Variants in XKR6 observed in about 807,000 individuals in gnomAD.
XKR6 encodes XK related 6.
XKR6 carries 22 observed loss-of-function variants against 56.7 expected under a neutral mutation model. The ratio of observed to expected loss-of-function variants is 0.39; its 90% CI spans 0.28 to 0.55. XKR6 has a LOEUF of 0.55. Ranked by LOEUF, XKR6 falls within the 20% of genes least tolerant of loss-of-function variation. The pLI, the probability that XKR6 is intolerant of heterozygous loss-of-function variation, is 0.66. For synonymous variants in XKR6, 524 were observed against 387.8 expected (o/e 1.35, Z -4.13); for missense variants, 852 against 889.0 (o/e 0.96, Z 0.53).
chr8:11,041,985 A>T (rs1799297989), intron 1 of XKR6, among the ~76,000 whole-genome samples: 2 of 152,232 alleles, frequency 1.3e-5, no homozygotes. Flanking sequence ...GTGTGTATAA[A>T]GTCCTCTTCC....
chr8:11,018,232 T>C (rs1407506952), intron 1 of XKR6, among the ~76,000 whole-genome samples: 1 of 115,578 alleles, frequency 8.7e-6, no homozygotes, highest in African/African-American at 3.2e-5. Context: ...CTCCCTGCCA[T>C]CAGCTAAGAC....
At chr8:11,063,036 A>T in intron 1 of XKR6, 1 of 357,566 alleles carries the variant, frequency 2.8e-6, no homozygotes, top group Non-Finnish European at 5.5e-6. Context: ...ACAAATTGGC[A>T]TTTGGACTCC....
chr8:11,020,978 G>C (rs539715475), intron 1 of XKR6, among the ~76,000 whole-genome samples: 10 of 152,196 alleles, frequency 6.6e-5, no homozygotes, highest in Non-Finnish European at 1.5e-4. Flanking sequence ...GCTACTTGTG[G>C]AGATGATGCA....
At chr8:11,098,990 G>C (rs530729042) in intron 1 of XKR6, among the ~76,000 whole-genome samples, 2 of 152,148 alleles carry the variant, frequency 1.3e-5, no homozygotes, top group Non-Finnish European at 2.9e-5. Context: ...TTTTCTTTAT[G>C]GGTATAGTCT....
At chr8:11,033,085 G>A (rs1300509014) in intron 1 of XKR6, among the ~76,000 whole-genome samples, 2 of 152,028 alleles carry the variant, frequency 1.3e-5, no homozygotes, top group Admixed American at 1.3e-4. Context: ...GATGGTAATG[G>A]TGATAATGAT....
intron 1 of XKR6, among the ~76,000 whole-genome samples, chr8:11,090,477 A>C (rs1798030980): frequency 6.6e-6 from 1 of 152,006 alleles, no homozygotes; most frequent in Non-Finnish European, 1.5e-5. Context: ...CCTGGCAATG[A>C]CACCAGCAGA....
At chr8:11,187,763 T>C (rs1436194739) in intron 1 of XKR6, among the ~76,000 whole-genome samples, 1 of 152,166 alleles carries the variant, frequency 6.6e-6, no homozygotes, top group East Asian at 1.9e-4. Context: ...TGGGGGCACA[T>C]GAAGGCTACA....
At chr8:11,074,008 AAAG>A (rs1800201793) in intron 1 of XKR6, among the ~76,000 whole-genome samples, 1 of 152,236 alleles carries the variant, frequency 6.6e-6, no homozygotes, top group South Asian at 2.1e-4. Flanking sequence ...AGAATTGAAA[AAAG>A]AAAAAAAAGC....
At chr8:11,020,970 T>A (rs958848710) in intron 1 of XKR6, among the ~76,000 whole-genome samples, 7 of 152,188 alleles carry the variant, frequency 4.6e-5, no homozygotes, top group Non-Finnish European at 7.4e-5. Context: ...AAGGGTGAGC[T>A]ACTTGTGGAG....
intron 1 of XKR6, among the ~76,000 whole-genome samples, chr8:10,949,811 C>T (rs531713122): frequency 3.9e-5 from 6 of 152,214 alleles, no homozygotes; most frequent in Admixed American, 1.3e-4. Flanking sequence ...GGGGAGGGTA[C>T]GAGGAAGATT....
chr8:10,987,745 A>G (rs1037816340), intron 1 of XKR6, among the ~76,000 whole-genome samples: 5 of 152,170 alleles, frequency 3.3e-5, no homozygotes, highest in Non-Finnish European at 7.4e-5. Flanking sequence ...CAAGATTTCC[A>G]TAATATGGGC....
Position 11,161,952 on chromosome 8 carries a change from GAAAGAA to G in XKR6, c.764+38618_764+38623del, listed in dbSNP as rs1289490738. 7.2e-5 allele frequency among the ~76,000 whole-genome samples: 11 copies of G among 152,002 alleles called. No homozygotes were observed. In the East Asian group the frequency reaches 2.1e-3, roughly 29 times the overall value. On this transcript the variant is annotated intron_variant, in intron 1 of 2. Coordinates refer to ENST00000416569, the MANE Select transcript of XKR6 (RefSeq NM_173683.4). ...GAATACAAGGAACTGAGCAAAATGA[GAAAGAA>G]AAAGAAAAGAGGAAGGCCCACCAGA...
intron 1 of XKR6, among the ~76,000 whole-genome samples, chr8:10,972,642 T>C (rs1466380752): frequency 6.6e-6 from 1 of 152,218 alleles, no homozygotes. Flanking sequence ...ATCCCACTTA[T>C]GTGAGCTATT....
chr8:10,912,314 A>G (rs1800410270), intron 2 of XKR6, among the ~76,000 whole-genome samples: 1 of 43,068 alleles, frequency 2.3e-5, no homozygotes, highest in Admixed American at 1.7e-4. Context: ...GTGTATATAT[A>G]TATATATATA....
chr8:10,932,169 A>G (rs1801070683), intron 1 of XKR6, among the ~76,000 whole-genome samples: 1 of 152,238 alleles, frequency 6.6e-6, no homozygotes, highest in Non-Finnish European at 1.5e-5. Context: ...ATAGTACTTC[A>G]TATCTGTTAA....
At chr8:11,110,067 G>A (rs891134336) in intron 1 of XKR6, among the ~76,000 whole-genome samples, 1 of 152,100 alleles carries the variant, frequency 6.6e-6, no homozygotes, top group Non-Finnish European at 1.5e-5. Flanking sequence ...CCACCTCCCG[G>A]GTTCAAGCAA....
intron 1 of XKR6, among the ~76,000 whole-genome samples, chr8:11,064,202 G>A (rs1799920379): frequency 6.6e-6 from 1 of 151,940 alleles, no homozygotes; most frequent in Non-Finnish European, 1.5e-5. Flanking sequence ...CCTTCCCAGT[G>A]CTCCAAACAC....
rs551510207 is a variant in XKR6, at chr8:10,984,181, C to A, written c.765-59351G>T. On this transcript the variant is annotated intron_variant, in intron 1 of 2. Transcript: ENST00000416569. ...TAGAAAACCTATTACCATAACTTTA[C>A]ATATTAATAGATCAAAAGGGAAAAA... Among the ~76,000 whole-genome samples the A allele has an allele frequency of 2.1e-3, 317 of 152,274 alleles. 2 individuals are homozygous for A. The highest frequency in any genetic ancestry group is 7.5e-3 in the African/African-American group (312 of 41,554).
rs529706128 is a variant in XKR6, at chr8:11,121,928, C to T, written c.764+78648G>A. Among the ~76,000 whole-genome samples, 7 of 152,238 alleles carry T rather than the reference C, an allele frequency of 4.6e-5. No homozygotes were observed. The South Asian group carries it at 6.2e-4, about 14-fold the overall frequency. On this transcript the variant is annotated intron_variant, in intron 1 of 2. Transcript: ENST00000416569. ...GAAACCATCATTCTCAGCAAACTAT[C>T]GCCAGGACAAAAAACCATATACCAC...
Sources: gnomAD v4.1 joint callset for allele counts (sites outside exome capture counted in the v4.1 genomes callset) on GRCh38, gnomAD v4.1.1 for gene constraint, MANE v1.5 for transcripts, NCBI Gene and HGNC (gene_info 2026-07-23, HGNC 2026-07-21) for gene names.